MAPK10: variants seen among roughly 807,000 people sequenced by gnomAD.
The protein encoded by MAPK10 is JNK3 alpha protein kinase.
Under a neutral mutation model 59.3 loss-of-function variants are expected in MAPK10, and 25 were observed. That is an observed-to-expected ratio of 0.42 (90% confidence interval 0.31 to 0.59). The LOEUF (loss-of-function observed/expected upper bound fraction) is 0.59, where lower values mean the gene tolerates loss of function less well. Among genes scored for constraint, MAPK10 ranks in the 20% least tolerant of loss-of-function variants. MAPK10 has a pLI of 0.15. For synonymous variants in MAPK10, 190 were observed against 200.5 expected, an observed-to-expected ratio of 0.95 and a Z score of 0.44; for missense variants, 351 against 568.9, an observed-to-expected ratio of 0.62 and a Z score of 3.90.
chr4:86,126,210 G>A (rs1408232692), intron 4 of MAPK10, among the ~76,000 whole-genome samples: 1 of 151,920 alleles, frequency 6.6e-6, no homozygotes, highest in Admixed American at 6.6e-5. Context: ...GTAGGCCCCT[G>A]GACTTCTTTC....
At chr4:86,144,216 AG>A (rs2064299641) in intron 4 of MAPK10, among the ~76,000 whole-genome samples, 2 of 152,178 alleles carry the variant, frequency 1.3e-5, no homozygotes, top group Non-Finnish European at 1.5e-5. Flanking sequence ...CCAGTTAAGT[AG>A]GGGTTGTTAA....
intron 1 of MAPK10, among the ~76,000 whole-genome samples, chr4:86,386,909 G>A (rs1001994573): frequency 5.9e-5 from 9 of 152,094 alleles, no homozygotes; most frequent in African/African-American, 1.9e-4. Flanking sequence ...AAACTGGGTC[G>A]AATGTGGAAC....
At position 86,463,448 on chromosome 4, in the gene MAPK10, A is replaced by G. The variant is rs922676499; in HGVS notation, c.-262-108804T>C. The stretch of plus-strand genomic sequence containing the variant: ...GAACCTACTCGTAAAAAATTTTCAC[A>G]GTGTTACATTATTCATTATATGGAT... On this transcript the variant is annotated intron_variant, in intron 1 of 4. Transcript: ENST00000502302. Among the ~76,000 whole-genome samples, 4 of 152,342 alleles carry G rather than the reference A, an allele frequency of 2.6e-5. No individual in the cohort carries two copies. In the East Asian group the frequency reaches 7.7e-4, roughly 29 times the overall value.
chr4:86,416,424 G>A (rs572376806), intron 1 of MAPK10, among the ~76,000 whole-genome samples: 37 of 152,346 alleles, frequency 2.4e-4, no homozygotes, highest in African/African-American at 6.0e-4. Context: ...GCATTAATGC[G>A]TCTAGGGCCT....
At chr4:86,055,140 T>A (rs1375309212) in intron 11 of MAPK10, among the ~76,000 whole-genome samples, 1 of 152,202 alleles carries the variant, frequency 6.6e-6, no homozygotes, top group Admixed American at 6.5e-5. Context: ...AAACTGGTGA[T>A]GGGCACTTGG....
chr4:86,078,330 A>G (rs900384159), intron 9 of MAPK10, among the ~76,000 whole-genome samples: 2 of 152,230 alleles, frequency 1.3e-5, no homozygotes, highest in African/African-American at 4.8e-5. Flanking sequence ...GAATACTCAG[A>G]GAAAGAAAAG....
intron 2 of MAPK10, among the ~76,000 whole-genome samples, chr4:86,214,791 C>T (rs1344746138): frequency 1.3e-5 from 2 of 152,020 alleles, no homozygotes; most frequent in Non-Finnish European, 2.9e-5. Context: ...AGAAAGACAT[C>T]TCATGTTCAT....
intron 1 of MAPK10, among the ~76,000 whole-genome samples, chr4:86,431,223 T>C (rs1315809122): frequency 2.0e-5 from 3 of 152,162 alleles, no homozygotes; most frequent in Non-Finnish European, 2.9e-5. Context: ...TCCAATAATA[T>C]ATAAAGAACT....
chr4:86,096,320 A>T (rs1453898676), intron 9 of MAPK10, among the ~76,000 whole-genome samples: 1 of 151,958 alleles, frequency 6.6e-6, no homozygotes, highest in Non-Finnish European at 1.5e-5. Context: ...AAAAATTTTT[A>T]AAAGAAAATA....
chr4:86,346,992 C>G (rs1445996834), intron 2 of MAPK10, among the ~76,000 whole-genome samples: 1 of 152,034 alleles, frequency 6.6e-6, no homozygotes, highest in East Asian at 1.9e-4. Context: ...GAATTGCATT[C>G]ATTCTTAAGA....
chr4:86,273,113 ATTTTTTTGAAATCTGCAATTTCTT>A (rs2094480311), intron 2 of MAPK10, among the ~76,000 whole-genome samples: 1 of 152,080 alleles, frequency 6.6e-6, no homozygotes, highest in Non-Finnish European at 1.5e-5. Flanking sequence ...CTATTTTACC[ATTTTTTTGAAATCTGCAATTTCTT>A]TTTAATATAG....
chr4:86,238,694 T>A (rs983645493), intron 2 of MAPK10, among the ~76,000 whole-genome samples: 4 of 152,322 alleles, frequency 2.6e-5, no homozygotes, highest in East Asian at 1.9e-4. Context: ...GCACATTGAT[T>A]TTGTATCCTG....
At chr4:86,358,844 A>C (rs1735803333) in intron 1 of MAPK10, 2 of 152,026 alleles carry the variant, frequency 1.3e-5, no homozygotes, top group African/African-American at 2.4e-5. Context: ...TGACATTTGC[A>C]GGGGACACAG....
At chr4:86,272,338 A>G (rs150103900) in intron 2 of MAPK10, among the ~76,000 whole-genome samples, 4 of 152,104 alleles carry the variant, frequency 2.6e-5, no homozygotes, top group African/African-American at 7.2e-5. Flanking sequence ...GTTGATGAAG[A>G]CTGATTTACT....
intron 1 of MAPK10, among the ~76,000 whole-genome samples, chr4:86,483,744 A>T (rs942860260): frequency 1.5e-4 from 23 of 152,094 alleles, no homozygotes; most frequent in Non-Finnish European, 4.4e-5. Context: ...TAAAGTCTCT[A>T]CCCTCTAACA....
At chr4:86,064,172 C>A in intron 11 of MAPK10, 94 bp downstream of exon 11, 3 of 1,435,798 alleles carry the variant, frequency 2.1e-6, no homozygotes, top group South Asian at 1.3e-5. Context: ...TATAAAAATC[C>A]ATTGTGCATT....
At chr4:86,063,519 C>T (rs2046122541) in intron 11 of MAPK10, among the ~76,000 whole-genome samples, 1 of 152,118 alleles carries the variant, frequency 6.6e-6, no homozygotes, top group African/African-American at 2.4e-5. Context: ...AGGAAATTCT[C>T]ATCAGGAGGC....
chr4:86,135,983 G>GA (rs1243799431), intron 4 of MAPK10, among the ~76,000 whole-genome samples: 2 of 152,094 alleles, frequency 1.3e-5, no homozygotes, highest in Non-Finnish European at 2.9e-5. Flanking sequence ...GAAGTTTAGA[G>GA]AAAAAAGAAT....
intron 9 of MAPK10, among the ~76,000 whole-genome samples, chr4:86,076,219 C>G (rs2049386842): frequency 6.6e-6 from 1 of 152,160 alleles, no homozygotes; most frequent in African/African-American, 2.4e-5. Context: ...CCTTGTGCTT[C>G]CCAGGTGAGG....
Sources: allele counts gnomAD v4.1 joint callset (sites outside exome capture counted in the v4.1 genomes callset), GRCh38; gene constraint gnomAD v4.1.1; transcripts MANE v1.5; gene names NCBI Gene and HGNC (gene_info 2026-07-23, HGNC 2026-07-21).